GHR: variants seen among roughly 807,000 people sequenced by gnomAD.
The protein encoded by GHR is GH receptor.
GHR carries 35 observed loss-of-function variants against 67.1 expected under a neutral mutation model. That is an observed-to-expected ratio of 0.52 (90% confidence interval 0.40 to 0.69). The LOEUF is 0.69. GHR is among the 30% of genes least tolerant of loss of function. The probability of loss-of-function intolerance (pLI) is 0.00; values close to 1 mark genes in which losing one functional copy is unlikely to be tolerated. For synonymous variants in GHR, 272 were observed against 269.1 expected (o/e 1.01, Z -0.10); for missense variants, 792 against 764.6 (o/e 1.04, Z -0.42).
At chr5:42,665,348 G>T (rs560093075) in intron 3 of GHR, among the ~76,000 whole-genome samples, 1 of 152,072 alleles carries the variant, frequency 6.6e-6, no homozygotes, top group South Asian at 2.1e-4. Context: ...GAACCAACCC[G>T]AATGTCCAAC....
intron 2 of GHR, among the ~76,000 whole-genome samples, chr5:42,601,913 T>G (rs1398535239): frequency 1.3e-5 from 2 of 152,090 alleles, no homozygotes; most frequent in African/African-American, 4.8e-5. Context: ...CTTTCTCTGG[T>G]CTGAGAATTT....
At chr5:42,502,065 T>C (rs1746562591) in intron 1 of GHR, among the ~76,000 whole-genome samples, 1 of 152,130 alleles carries the variant, frequency 6.6e-6, no homozygotes, top group Non-Finnish European at 1.5e-5. Flanking sequence ...GGTGCTCACA[T>C]ATAAAAACTC....
At chr5:42,672,390 T>C (rs1756361615) in intron 3 of GHR, among the ~76,000 whole-genome samples, 1 of 152,204 alleles carries the variant, frequency 6.6e-6, no homozygotes, top group African/African-American at 2.4e-5. Flanking sequence ...TAATCCCATT[T>C]ACAGTAGCCA....
At chr5:42,554,764 A>G (rs1749218660) in intron 1 of GHR, among the ~76,000 whole-genome samples, 1 of 152,200 alleles carries the variant, frequency 6.6e-6, no homozygotes, top group Non-Finnish European at 1.5e-5. Context: ...AAGGTGCAAA[A>G]TATCTCATTA....
chr5:42,569,316 G>A (rs778956892), intron 2 of GHR, among the ~76,000 whole-genome samples: 5 of 152,158 alleles, frequency 3.3e-5, no homozygotes, highest in African/African-American at 7.2e-5. Context: ...CACTTACTTC[G>A]TGGAAGGCAT....
intron 1 of GHR, among the ~76,000 whole-genome samples, chr5:42,461,489 G>A (rs1255076157): frequency 2.6e-5 from 4 of 152,138 alleles, no homozygotes; most frequent in Admixed American, 6.5e-5. Flanking sequence ...TTCATTGGGA[G>A]CCCCTTACAT....
chr5:42,463,252 A>G (rs1381741072), intron 1 of GHR, among the ~76,000 whole-genome samples: 2 of 152,256 alleles, frequency 1.3e-5, no homozygotes, highest in African/African-American at 2.4e-5. Flanking sequence ...CCTGCTATAA[A>G]TGTATATTGA....
chr5:42,445,662 C>A (rs1424688361), intron 1 of GHR, among the ~76,000 whole-genome samples: 1 of 152,150 alleles, frequency 6.6e-6, no homozygotes, highest in Non-Finnish European at 1.5e-5. Context: ...TCATAAATAT[C>A]AAGAGAGACT....
intron 1 of GHR, among the ~76,000 whole-genome samples, chr5:42,497,352 G>A (rs1163805689): frequency 2.0e-5 from 3 of 152,076 alleles, no homozygotes; most frequent in Non-Finnish European, 2.9e-5. Flanking sequence ...AATGTTACAC[G>A]AATGCCTCTC....
At chr5:42,703,952 G>A (rs1428279236) in intron 6 of GHR, among the ~76,000 whole-genome samples, 3 of 151,772 alleles carry the variant, frequency 2.0e-5, no homozygotes, top group Non-Finnish European at 4.4e-5. Flanking sequence ...GAAGTCTTTA[G>A]GGTTTTCTAT....
chr5:42,480,982 T>C (rs1274930418), intron 1 of GHR, among the ~76,000 whole-genome samples: 1 of 152,192 alleles, frequency 6.6e-6, no homozygotes, highest in Non-Finnish European at 1.5e-5. Flanking sequence ...CTTCCTAGCC[T>C]TGATGGTCTT....
intron 3 of GHR, among the ~76,000 whole-genome samples, chr5:42,688,298 C>T (rs1757256176): frequency 6.6e-6 from 1 of 152,236 alleles, no homozygotes; most frequent in Non-Finnish European, 1.5e-5. Context: ...TCGGCAAAGA[C>T]CCTCAGCTCA....
In GHR at chr5:42,719,446, G is replaced by T. The variant is rs868859419; in HGVS notation, c.*22G>T. 6.2e-7 allele frequency: 1 copy of T among 1,606,016 alleles called. No individual in the cohort carries two copies. Among genetic ancestry groups the T allele is most frequent in the South Asian group, 1.1e-5 (1 of 90,870 alleles). ...TTAGCCTTTCTTTGGTTTCCCAAGA[G>T]CTACGTATTTAATAGCAAAGAATTG... On this transcript the variant is annotated 3_prime_UTR_variant, in exon 10 of 10. Coordinates refer to ENST00000230882, the MANE Select transcript of GHR (RefSeq NM_000163.5).
chr5:42,678,752 G>C (rs1025884183), intron 3 of GHR, among the ~76,000 whole-genome samples: 1 of 151,826 alleles, frequency 6.6e-6, no homozygotes, highest in Non-Finnish European at 1.5e-5. Flanking sequence ...CATGAACAAT[G>C]TTTCTCAAAC....
intron 1 of GHR, among the ~76,000 whole-genome samples, chr5:42,532,183 A>G (rs150633617): frequency 6.6e-6 from 1 of 152,266 alleles, no homozygotes; most frequent in East Asian, 1.9e-4. Flanking sequence ...TCATATAACA[A>G]TAAGTCTTGT....
chr5:42,592,630 A>G (rs1379473667), intron 2 of GHR, among the ~76,000 whole-genome samples: 1 of 152,186 alleles, frequency 6.6e-6, no homozygotes, highest in Admixed American at 6.5e-5. Flanking sequence ...TCCATGGTGT[A>G]TATGTATCAC....
chr5:42,646,202 A>G (rs1174774007), intron 3 of GHR: 1 of 280,868 alleles, frequency 3.6e-6, no homozygotes, highest in Non-Finnish European at 7.2e-6. Context: ...AGGTACACTG[A>G]AAATGAAGTG....
At chr5:42,492,796 A>T (rs541828265) in intron 1 of GHR, among the ~76,000 whole-genome samples, 18 of 152,226 alleles carry the variant, frequency 1.2e-4, no homozygotes, top group Non-Finnish European at 2.2e-4. Context: ...CAAATGGGGC[A>T]ACCTGAAAAG....
chr5:42,491,633 C>A (rs1746116480), intron 1 of GHR, among the ~76,000 whole-genome samples: 1 of 152,198 alleles, frequency 6.6e-6, no homozygotes, highest in Non-Finnish European at 1.5e-5. Flanking sequence ...TGTATACATT[C>A]TATGTTTCTA....
Sources: allele counts gnomAD v4.1 joint callset (sites outside exome capture counted in the v4.1 genomes callset), GRCh38; gene constraint gnomAD v4.1.1; transcripts MANE v1.5; gene names NCBI Gene and HGNC (gene_info 2026-07-23, HGNC 2026-07-21).